HS6ST3: variants seen among roughly 807,000 people sequenced by gnomAD.
HS6ST3 encodes heparan sulfate 6-O-sulfotransferase 3, also known as heparan-sulfate 6-O-sulfotransferase 3.
In HS6ST3, 12 loss-of-function variants were observed where a neutral mutation model predicts 36.7. That is an observed-to-expected ratio of 0.33 (90% CI 0.21 to 0.53). HS6ST3 has a LOEUF of 0.53. Among genes scored for constraint, HS6ST3 ranks in the 20% least tolerant of loss-of-function variants. The probability of loss-of-function intolerance (pLI) is 0.95; values close to 1 mark genes in which losing one functional copy is unlikely to be tolerated. For synonymous variants in HS6ST3, 240 were observed against 257.5 expected (o/e 0.93, Z 0.65); for missense variants, 584 against 640.9 (o/e 0.91, Z 0.96).
intron 1 of HS6ST3, among the ~76,000 whole-genome samples, chr13:96,237,040 G>T (rs1017558740): frequency 6.6e-6 from 1 of 152,316 alleles, no homozygotes; most frequent in East Asian, 1.9e-4. Context: ...ACTGAGCCAA[G>T]GGGGAAGCCC....
chr13:96,751,183 G>A (rs541684188), intron 1 of HS6ST3, among the ~76,000 whole-genome samples: 2 of 152,208 alleles, frequency 1.3e-5, no homozygotes, highest in South Asian at 4.1e-4. Flanking sequence ...ATGTCCACTT[G>A]GAACTTGTAA....
rs199639078 is a variant in HS6ST3 at position 96,784,150 on chromosome 13, G to A, written c.708-48340G>A. Among the ~76,000 whole-genome samples, 5 of 151,050 alleles carry A rather than the reference G, an allele frequency of 3.3e-5. No homozygotes were observed. In the East Asian group the frequency reaches 9.7e-4, roughly 29 times the overall value. ...AAATAAATAAGTTGCGTGTTTATTTGTATCAATATCTGCTTTATCTCCTTG... is the reference window on the plus strand; with the variant it reads ...AAATAAATAAGTTGCGTGTTTATTTATATCAATATCTGCTTTATCTCCTTG... On this transcript the variant is annotated intron_variant, in intron 1 of 1. Coordinates refer to ENST00000376705, the MANE Select transcript of HS6ST3 (RefSeq NM_153456.4).
chr13:96,821,471 A>G (rs1878533602), intron 1 of HS6ST3, among the ~76,000 whole-genome samples: 1 of 152,224 alleles, frequency 6.6e-6, no homozygotes, highest in Non-Finnish European at 1.5e-5. Flanking sequence ...TGAATTACAA[A>G]CATCATCTAA....
chr13:96,355,588 G>A (rs2055206441), intron 1 of HS6ST3, among the ~76,000 whole-genome samples: 1 of 152,020 alleles, frequency 6.6e-6, no homozygotes, highest in Non-Finnish European at 1.5e-5. Context: ...GTCTAAAAAT[G>A]TACTTACATT....
At chr13:96,507,045 C>G (rs972957775) in intron 1 of HS6ST3, among the ~76,000 whole-genome samples, 2 of 152,054 alleles carry the variant, frequency 1.3e-5, no homozygotes, top group African/African-American at 4.8e-5. Flanking sequence ...TTAATTTGAA[C>G]TGCTGATGAG....
chr13:96,795,855 A>G (rs1457218570), intron 1 of HS6ST3, among the ~76,000 whole-genome samples: 1 of 152,080 alleles, frequency 6.6e-6, no homozygotes, highest in African/African-American at 2.4e-5. Flanking sequence ...AAGGAACTGA[A>G]CTTCCTAGAG....
intron 1 of HS6ST3, among the ~76,000 whole-genome samples, chr13:96,466,771 T>TC (rs201484575): frequency 1.2e-4 from 1 of 8,570 alleles, no homozygotes. Flanking sequence ...ATATATGCAA[T>TC]TCTATGTCAA....
chr13:96,298,240 G>A (rs147288586), intron 1 of HS6ST3, among the ~76,000 whole-genome samples: 2,476 of 152,214 alleles, frequency 0.016, 50 homozygotes, highest in South Asian at 0.051. Context: ...AAGATGTCAG[G>A]ATTTTCAGTA....
chr13:96,812,957 G>A (rs1364550032), intron 1 of HS6ST3, among the ~76,000 whole-genome samples: 2 of 152,134 alleles, frequency 1.3e-5, no homozygotes, highest in East Asian at 1.9e-4. Flanking sequence ...TCATGAGAGC[G>A]TCTGAGGACA....
At position 96,656,953 on chromosome 13, in the gene HS6ST3, T is replaced by G. The variant is rs2056627292; in HGVS notation, c.708-175537T>G. Among the ~76,000 whole-genome samples, 3 of 139,634 alleles carry G rather than the reference T, an allele frequency of 2.1e-5. No individual in the cohort carries two copies. The South Asian group carries it at 7.1e-4, about 33-fold the overall frequency. The allele number at this position is 139,634 out of a possible 152,430, so 91.6% of individuals were successfully genotyped here. ...GCCAGATGGATTACTCTGGCTTTTC[T>G]TTTGTGTGTGTGTGTGTGTGTGTGT... is the stretch of plus-strand genomic sequence containing the variant. On this transcript the variant is annotated intron_variant, in intron 1 of 1. Transcript: ENST00000376705.
intron 1 of HS6ST3, among the ~76,000 whole-genome samples, chr13:96,821,413 G>A (rs764035375): frequency 2.6e-5 from 4 of 152,180 alleles, no homozygotes; most frequent in Non-Finnish European, 4.4e-5. Context: ...AAGACAGCCT[G>A]ATTTTTACAA....
intron 1 of HS6ST3, among the ~76,000 whole-genome samples, chr13:96,645,729 C>T (rs1405931788): frequency 2.0e-5 from 3 of 151,660 alleles, no homozygotes; most frequent in Admixed American, 1.3e-4. Context: ...AATGATGGCT[C>T]ATCTTAAATG....
chr13:96,689,268 G>C (rs984875589), intron 1 of HS6ST3, among the ~76,000 whole-genome samples: 2 of 152,020 alleles, frequency 1.3e-5, no homozygotes, highest in Non-Finnish European at 2.9e-5. Context: ...GGTCCTGAAA[G>C]GCAGGTAACA....
intron 1 of HS6ST3, among the ~76,000 whole-genome samples, chr13:96,773,568 C>T (rs942937940): frequency 6.6e-6 from 1 of 152,178 alleles, no homozygotes; most frequent in African/African-American, 2.4e-5. Flanking sequence ...TGGAAAGTTC[C>T]AACGGGGCAG....
intron 1 of HS6ST3, among the ~76,000 whole-genome samples, chr13:96,691,727 C>CA (rs1204030665): frequency 6.6e-6 from 1 of 151,898 alleles, no homozygotes; most frequent in African/African-American, 2.4e-5. Flanking sequence ...GAAAAGGTGT[C>CA]AAAGATAAAT....
chr13:96,739,196 T>A (rs983274606), intron 1 of HS6ST3, among the ~76,000 whole-genome samples: 1 of 150,726 alleles, frequency 6.6e-6, no homozygotes, highest in Non-Finnish European at 1.5e-5. Context: ...TTCATACCCC[T>A]TCTGTTCTCT....
intron 1 of HS6ST3, among the ~76,000 whole-genome samples, chr13:96,493,312 T>G (rs1487748436): frequency 2.0e-5 from 3 of 152,176 alleles, no homozygotes; most frequent in Non-Finnish European, 4.4e-5. Context: ...CTCAAAGATT[T>G]CAAAGTAATA....
At chr13:96,786,633 C>T (rs75127776) in intron 1 of HS6ST3, among the ~76,000 whole-genome samples, 13,279 of 152,116 alleles carry the variant, frequency 0.087, 713 homozygotes, top group East Asian at 0.27. Context: ...ATAGGCAAAA[C>T]GCATTTGCTT....
At chr13:96,176,044 G>T (rs1594704775) in intron 1 of HS6ST3, among the ~76,000 whole-genome samples, 1 of 152,038 alleles carries the variant, frequency 6.6e-6, no homozygotes, top group Non-Finnish European at 1.5e-5. Flanking sequence ...GGCCAGGTTG[G>T]TCTTGAACTC....
Sources: allele counts gnomAD v4.1 joint callset (sites outside exome capture counted in the v4.1 genomes callset), GRCh38; gene constraint gnomAD v4.1.1; transcripts MANE v1.5; gene names NCBI Gene and HGNC (gene_info 2026-07-23, HGNC 2026-07-21).